PACSIN2: variants seen among roughly 807,000 people sequenced by gnomAD.
The protein encoded by PACSIN2 is protein kinase C and casein kinase substrate in neurons protein 2.
A neutral mutation model predicts 63.8 loss-of-function variants in PACSIN2; 25 were observed. That is an observed-to-expected ratio of 0.39 (90% CI 0.29 to 0.55). The LOEUF (loss-of-function observed/expected upper bound fraction) is 0.55, where lower values mean the gene tolerates loss of function less well. Ranked by LOEUF, PACSIN2 falls within the 20% of genes least tolerant of loss-of-function variation. PACSIN2 has a pLI of 0.62. For synonymous variants in PACSIN2, 255 were observed against 256.2 expected (o/e 1.00, Z 0.05); for missense variants, 518 against 646.9 (o/e 0.80, Z 2.16).
At chr22:43,003,879 C>G (rs973200553) in intron 1 of PACSIN2, among the ~76,000 whole-genome samples, 1 of 152,134 alleles carries the variant, frequency 6.6e-6, no homozygotes, top group Non-Finnish European at 1.5e-5. Context: ...GGTGTACCAG[C>G]GAGTCACCCA....
intron 1 of PACSIN2, among the ~76,000 whole-genome samples, chr22:42,957,608 A>G (rs1933966566): frequency 6.6e-6 from 1 of 152,228 alleles, no homozygotes; most frequent in Non-Finnish European, 1.5e-5. Context: ...ATTTTTATAA[A>G]TTAAATCGTT....
At chr22:42,972,278 G>C (rs935946106) in intron 1 of PACSIN2, among the ~76,000 whole-genome samples, 1 of 152,196 alleles carries the variant, frequency 6.6e-6, no homozygotes, top group Non-Finnish European at 1.5e-5. Flanking sequence ...GGTGCACGAT[G>C]TGCTTTGTTA....
At chr22:42,966,072 G>A (rs1920951990) in intron 1 of PACSIN2, among the ~76,000 whole-genome samples, 1 of 152,188 alleles carries the variant, frequency 6.6e-6, no homozygotes, top group Non-Finnish European at 1.5e-5. Flanking sequence ...GAACCAAGAT[G>A]TAAATAGAGC....
intron 1 of PACSIN2, among the ~76,000 whole-genome samples, chr22:42,955,477 A>C (rs553053129): frequency 7.7e-6 from 1 of 129,690 alleles, no homozygotes; most frequent in Non-Finnish European, 1.5e-5. Flanking sequence ...CATCAGGGGG[A>C]AAAAAAAAAA....
intron 1 of PACSIN2, among the ~76,000 whole-genome samples, chr22:42,913,232 CA>C (rs1931577858): frequency 6.6e-6 from 1 of 152,162 alleles, no homozygotes; most frequent in Admixed American, 6.5e-5. Context: ...GTAATCCCAG[CA>C]CTTTGGGAGG....
At chr22:42,984,742 A>T (rs1172499647) in intron 1 of PACSIN2, among the ~76,000 whole-genome samples, 1 of 152,168 alleles carries the variant, frequency 6.6e-6, no homozygotes, top group Admixed American at 6.5e-5. Context: ...GGCCTTTGAC[A>T]CTTACAAGAT....
intron 10 of PACSIN2, among the ~76,000 whole-genome samples, chr22:42,873,894 A>G (rs1399118994): frequency 1.3e-5 from 2 of 151,946 alleles, no homozygotes; most frequent in Non-Finnish European, 2.9e-5. Flanking sequence ...CCCAGGTTCA[A>G]GTGATTCTCT....
At chr22:42,896,688 G>A (rs936825288) in intron 2 of PACSIN2, among the ~76,000 whole-genome samples, 13 of 152,150 alleles carry the variant, frequency 8.5e-5, no homozygotes, top group African/African-American at 2.2e-4. Flanking sequence ...CAAAACTGCC[G>A]AACTGCTACC....
intron 1 of PACSIN2, among the ~76,000 whole-genome samples, chr22:42,912,744 A>G (rs905434491): frequency 1.3e-5 from 2 of 152,072 alleles, no homozygotes; most frequent in African/African-American, 4.8e-5. Context: ...AAACTGAAGG[A>G]CTCCCATAAG....
rs193202339 is a variant in PACSIN2, at chr22:43,013,504, T to C, written c.-78+1517A>G. Among the ~76,000 whole-genome samples, 22 of 152,302 alleles carry C rather than the reference T, an allele frequency of 1.4e-4. No homozygotes were observed. In the East Asian group the frequency reaches 1.9e-3, roughly 13 times the overall value. On this transcript the variant is annotated intron_variant, in intron 1 of 10. Coordinates refer to ENST00000263246, the MANE Select transcript of PACSIN2 (RefSeq NM_001184970.3). ...CCAAGTTGCACTGGCACAGCTTCAATGTCTCCATGAGGAGGCTGCATGCAG... is the reference window on the plus strand; with the variant it reads ...CCAAGTTGCACTGGCACAGCTTCAACGTCTCCATGAGGAGGCTGCATGCAG...
intron 1 of PACSIN2, among the ~76,000 whole-genome samples, chr22:42,948,262 C>A (rs2146820823): frequency 6.6e-6 from 1 of 152,254 alleles, no homozygotes; most frequent in East Asian, 1.9e-4. Context: ...GATCAGACAC[C>A]AGCTCAAGTC....
intron 1 of PACSIN2, among the ~76,000 whole-genome samples, chr22:43,010,340 A>T (rs961901877): frequency 6.7e-6 from 1 of 148,676 alleles, no homozygotes; most frequent in African/African-American, 2.5e-5. Context: ...GGGGTTTGAG[A>T]CCAGCCTGGC....
At chr22:42,918,080 G>A (rs1931932119) in intron 1 of PACSIN2, among the ~76,000 whole-genome samples, 1 of 152,162 alleles carries the variant, frequency 6.6e-6, no homozygotes, top group Non-Finnish European at 1.5e-5. Context: ...ATGTGAAAAT[G>A]CTTTGTAAAG....
chr22:42,903,123 A>G (rs1462283089), intron 2 of PACSIN2, among the ~76,000 whole-genome samples: 1 of 152,172 alleles, frequency 6.6e-6, no homozygotes, highest in Non-Finnish European at 1.5e-5. Flanking sequence ...GCTTTCAGGG[A>G]AATCCAGGGC....
At chr22:42,964,708 C>T (rs1014691060) in intron 1 of PACSIN2, among the ~76,000 whole-genome samples, 3 of 152,226 alleles carry the variant, frequency 2.0e-5, no homozygotes, top group African/African-American at 7.2e-5. Context: ...GGTGATCCAT[C>T]GGCAGCAGGG....
At chr22:42,901,688 G>A (rs530965562) in intron 2 of PACSIN2, among the ~76,000 whole-genome samples, 1 of 152,024 alleles carries the variant, frequency 6.6e-6, no homozygotes, top group Non-Finnish European at 1.5e-5. Flanking sequence ...CGCCTGACAA[G>A]GCCTAACTTC....
At chr22:42,977,963 C>T (rs1404513561) in intron 1 of PACSIN2, among the ~76,000 whole-genome samples, 1 of 152,178 alleles carries the variant, frequency 6.6e-6, no homozygotes, top group Non-Finnish European at 1.5e-5. Flanking sequence ...TGAGAACGAA[C>T]TAATACAGGG....
intron 1 of PACSIN2, among the ~76,000 whole-genome samples, chr22:42,958,094 G>GA (rs977952384): frequency 1.8e-4 from 26 of 146,468 alleles, no homozygotes; most frequent in Middle Eastern, 3.5e-3. Flanking sequence ...CTCATCAGTA[G>GA]AAAAAAAAAA....
At chr22:42,875,824 ACCATGCCTGG>A (rs1928571992) in intron 10 of PACSIN2, among the ~76,000 whole-genome samples, 1 of 152,056 alleles carries the variant, frequency 6.6e-6, no homozygotes, top group African/African-American at 2.4e-5. Flanking sequence ...GGCGTGAGCC[ACCATGCCTGG>A]CCTAATTTTT....
Sources: allele counts gnomAD v4.1 joint callset (sites outside exome capture counted in the v4.1 genomes callset), GRCh38; gene constraint gnomAD v4.1.1; transcripts MANE v1.5; gene names NCBI Gene and HGNC (gene_info 2026-07-23, HGNC 2026-07-21).